The following WDR27 variants were observed in gnomAD, a reference collection of about 807,000 sequenced individuals.
WDR27 encodes the protein WD repeat-containing protein 27.
Under a neutral mutation model 114.4 loss-of-function variants are expected in WDR27, and 100 were observed. The ratio of observed to expected loss-of-function variants is 0.87; its 90% CI spans 0.74 to 1.03. The LOEUF is 1.03. Among genes scored for constraint, WDR27 ranks in the 50% least tolerant of loss-of-function variants. The probability of loss-of-function intolerance (pLI) is 0.00; values close to 1 mark genes in which losing one functional copy is unlikely to be tolerated. For missense variants in WDR27, 1,129 were observed against 1,092.9 expected, an observed-to-expected ratio of 1.03 and a Z score of -0.47; for synonymous variants, 449 against 423.1, an observed-to-expected ratio of 1.06 and a Z score of -0.75.
chr6:169,565,826 T>C (rs538804553), intron 25 of WDR27, among the ~76,000 whole-genome samples: 3 of 152,338 alleles, frequency 2.0e-5, no homozygotes, highest in Non-Finnish European at 4.4e-5. Context: ...TGATTTTTCA[T>C]TTTTGTAGAA....
intron 19 of WDR27, among the ~76,000 whole-genome samples, chr6:169,635,116 C>G (rs1400607990): frequency 6.6e-6 from 1 of 152,132 alleles, no homozygotes; most frequent in Non-Finnish European, 1.5e-5. Flanking sequence ...GCCTGTAATC[C>G]CAGCACTTTG....
At chr6:169,503,326 A>G (rs1257673512) in intron 25 of WDR27, among the ~76,000 whole-genome samples, 1 of 152,248 alleles carries the variant, frequency 6.6e-6, no homozygotes, top group African/African-American at 2.4e-5. Flanking sequence ...ACAACATAAG[A>G]GAATGTTGTA....
chr6:169,661,697 G>C (rs1165097021), intron 9 of WDR27, among the ~76,000 whole-genome samples: 2 of 152,234 alleles, frequency 1.3e-5, no homozygotes, highest in East Asian at 3.9e-4. Flanking sequence ...TGCCCACCCT[G>C]CTTACTCTCT....
chr6:169,557,933 T>C (rs187581362), intron 25 of WDR27, among the ~76,000 whole-genome samples: 3 of 152,268 alleles, frequency 2.0e-5, no homozygotes, highest in Admixed American at 2.0e-4. Flanking sequence ...GACTTGAATA[T>C]AAAAATGGGA....
chr6:169,676,694 A>G (rs1423009390), intron 2 of WDR27, among the ~76,000 whole-genome samples: 7 of 152,206 alleles, frequency 4.6e-5, no homozygotes, highest in Non-Finnish European at 4.4e-5. Context: ...CATTCCTTCT[A>G]TTGAGTCTAG....
rs571498888 is a variant in WDR27 at position 169,492,696 on chromosome 6, A to G, written c.2646-35062T>C. ...AATTATGAAATGATGAATTTCAGTG[A>G]AAGAATGGAACCTAGAAGGAAGAAA... On this transcript the variant is annotated intron_variant, in intron 25 of 25. Transcript: ENST00000448612. 7.2e-5 allele frequency among the ~76,000 whole-genome samples: 11 copies of G among 152,230 alleles called. No homozygotes were observed. In the South Asian group the frequency reaches 2.1e-3, roughly 29 times the overall value.
chr6:169,531,204 T>G (rs1406991567), intron 25 of WDR27, among the ~76,000 whole-genome samples: 1 of 152,238 alleles, frequency 6.6e-6, no homozygotes, highest in African/African-American at 2.4e-5. Context: ...AGTGAATTGA[T>G]GCTGGTTTTC....
chr6:169,457,986 G>A (rs548226069), intron 25 of WDR27, among the ~76,000 whole-genome samples: 126 of 150,612 alleles, frequency 8.4e-4, no homozygotes, highest in African/African-American at 2.9e-3. Flanking sequence ...AGGAGGAGGA[G>A]GAGGAGGAGG....
chr6:169,496,130 A>C (rs57193325), intron 25 of WDR27, among the ~76,000 whole-genome samples: 1 of 152,050 alleles, frequency 6.6e-6, no homozygotes, highest in East Asian at 1.9e-4. Flanking sequence ...ATCAATTAAC[A>C]TAGTATACCA....
chr6:169,680,466 C>G (rs1485947341), intron 2 of WDR27, among the ~76,000 whole-genome samples: 4 of 152,166 alleles, frequency 2.6e-5, no homozygotes, highest in Non-Finnish European at 5.9e-5. Flanking sequence ...CCTGTAGTCC[C>G]AGCTACTCGG....
Position 169,498,587 on chromosome 6 carries a change from C to T in WDR27, c.2646-40953G>A, listed in dbSNP as rs747737781. ...TGACACCAAAAGGAGGTTGCATAAA[C>T]GGGAAAATAAATAAATTGGTCTCCA... is the stretch of plus-strand genomic sequence containing the variant. On this transcript the variant is annotated intron_variant, in intron 25 of 25. Transcript: ENST00000448612. Among the ~76,000 whole-genome samples the T allele has an allele frequency of 9.9e-5, 15 of 151,960 alleles. No homozygotes were observed. The East Asian group carries it at 1.3e-3, about 14-fold the overall frequency.
intron 2 of WDR27, among the ~76,000 whole-genome samples, chr6:169,686,576 C>A (rs1238285319): frequency 6.6e-6 from 1 of 152,074 alleles, no homozygotes; most frequent in African/African-American, 2.4e-5. Context: ...AAAATATATT[C>A]ATGCAAATGG....
At chr6:169,456,063 TTAAA>T (rs1784334691), downstream of WDR27, among the ~76,000 whole-genome samples, 1 of 152,190 alleles carries the variant, frequency 6.6e-6, no homozygotes, top group South Asian at 2.1e-4. The surrounding 1 kb of genome is among the most constrained non-coding windows in gnomAD (Gnocchi z 4.0). Flanking sequence ...ATTAAGAATA[TTAAA>T]TAAGACTCTG....
the WDR27 span, among the ~76,000 whole-genome samples, chr6:169,430,038 A>G: frequency 2.0e-5 from 3 of 152,170 alleles, no homozygotes; most frequent in Non-Finnish European, 4.4e-5. Context: ...AAGGGCCTCA[A>G]GGTCACTGGG....
chr6:169,528,574 T>A (rs1193762823), intron 25 of WDR27, among the ~76,000 whole-genome samples: 1 of 152,248 alleles, frequency 6.6e-6, no homozygotes, highest in Non-Finnish European at 1.5e-5. Flanking sequence ...TCACCCAGGC[T>A]GGAGTGCAGT....
chr6:169,556,069 C>T (rs368447975), intron 25 of WDR27, among the ~76,000 whole-genome samples: 2 of 152,264 alleles, frequency 1.3e-5, no homozygotes, highest in South Asian at 2.1e-4. Flanking sequence ...GTGTGATGAA[C>T]CAAGGCATGC....
chr6:169,683,845 G>A (rs1231345822), intron 2 of WDR27, among the ~76,000 whole-genome samples: 1 of 152,174 alleles, frequency 6.6e-6, no homozygotes, highest in Non-Finnish European at 1.5e-5. Context: ...GCCTAGTTTG[G>A]GAGCTGCTGG....
chr6:169,438,264 G>T, the WDR27 span, among the ~76,000 whole-genome samples: 1 of 129,744 alleles, frequency 7.7e-6, no homozygotes, highest in Non-Finnish European at 1.6e-5. Context: ...TTGAGACGGA[G>T]TCTGGCTCTG....
chr6:169,678,364 G>C (rs1780614183), intron 2 of WDR27, among the ~76,000 whole-genome samples: 1 of 152,178 alleles, frequency 6.6e-6, no homozygotes, highest in South Asian at 2.1e-4. Flanking sequence ...TGTCCTGCTG[G>C]GTTTCAGACT....
Sources: gnomAD v4.1 joint callset for allele counts (sites outside exome capture counted in the v4.1 genomes callset) on GRCh38, gnomAD v4.1.1 for gene constraint, Gnocchi (gnomAD v3.1) non-coding constraint, MANE v1.5 for transcripts, NCBI Gene and HGNC (gene_info 2026-07-23, HGNC 2026-07-21) for gene names.